BAZ2B: variants seen among roughly 807,000 people sequenced by gnomAD.
The protein encoded by BAZ2B is bromodomain adjacent to zinc finger domain protein 2B.
Under a neutral mutation model 246.0 loss-of-function variants are expected in BAZ2B, and 91 were observed. That is an observed-to-expected ratio of 0.37 (90% CI 0.31 to 0.44). The LOEUF (loss-of-function observed/expected upper bound fraction) is 0.44. Ranked by LOEUF, BAZ2B falls within the 20% of genes least tolerant of loss-of-function variation. The pLI, the probability that BAZ2B is intolerant of heterozygous loss-of-function variation, is 1.00. For synonymous variants in BAZ2B, 855 were observed against 860.0 expected, an observed-to-expected ratio of 0.99 and a Z score of 0.10; for missense variants, 2,332 against 2,533.7, an observed-to-expected ratio of 0.92 and a Z score of 1.71.
intron 1 of BAZ2B, among the ~76,000 whole-genome samples, chr2:159,576,530 TTAA>T (rs1559816448): frequency 6.3e-5 from 6 of 94,942 alleles, no homozygotes; most frequent in Admixed American, 9.8e-5. Context: ...TATCAAAGGT[TTAA>T]AAAAAAAAAA....
At chr2:159,517,079 C>A (rs957579683) in intron 2 of BAZ2B, among the ~76,000 whole-genome samples, 1 of 151,906 alleles carries the variant, frequency 6.6e-6, no homozygotes, top group Admixed American at 6.5e-5. Flanking sequence ...CAAAGCATGT[C>A]TATTTTTTTA....
At chr2:159,396,928 T>C (rs1413384202) in intron 19 of BAZ2B, 2 of 391,194 alleles carry the variant, frequency 5.1e-6, no homozygotes, top group South Asian at 5.8e-5. Flanking sequence ...GACAAGCAGA[T>C]GTATGCAATG....
chr2:159,688,344 A>T, the BAZ2B span, among the ~76,000 whole-genome samples: 2 of 152,134 alleles, frequency 1.3e-5, no homozygotes, highest in South Asian at 4.1e-4. Context: ...TTTATTTTTT[A>T]AAAACTACAA....
At position 159,448,529 on chromosome 2, in the gene BAZ2B, A is replaced by G. The variant is rs958322538; in HGVS notation, c.335-120T>C. 37 of 1,142,780 alleles carry G rather than the reference A, an allele frequency of 3.2e-5. No homozygotes were observed. In the African/African-American group the frequency reaches 5.8e-4, roughly 18 times the overall value. The allele number at this position is 1,142,780 out of a possible 1,614,324, so 70.8% of individuals were successfully genotyped here. A position where few individuals can be genotyped will look rare whatever the true frequency, so the allele number is the denominator to read the frequency against. ...AAGTTTCATCTTGGAACAAAACTGA[A>G]TTACTCATACTTCTGATCATTTTCC... On this transcript the variant is annotated intron_variant, in intron 4 of 36. Transcript: ENST00000392783.
intron 2 of BAZ2B, among the ~76,000 whole-genome samples, chr2:159,535,750 T>C (rs139157633): frequency 5.1e-4 from 77 of 152,296 alleles, no homozygotes; most frequent in Non-Finnish European, 7.8e-4. Flanking sequence ...ATTAATATTC[T>C]CTCTTCATTA....
the BAZ2B span, among the ~76,000 whole-genome samples, chr2:159,662,306 C>T: frequency 6.6e-6 from 1 of 152,156 alleles, no homozygotes; most frequent in African/African-American, 2.4e-5. Context: ...CATTCATGCA[C>T]AAGTATTTGT....
intron 2 of BAZ2B, among the ~76,000 whole-genome samples, chr2:159,505,078 C>A (rs943181672): frequency 6.6e-6 from 1 of 152,056 alleles, no homozygotes; most frequent in Non-Finnish European, 1.5e-5. Flanking sequence ...GCAATATCTT[C>A]AAATAAAAGT....
intron 13 of BAZ2B, 145 bp from the exon 14 acceptor site, chr2:159,412,690 TA>T: frequency 1.4e-6 from 1 of 717,004 alleles, no homozygotes; most frequent in Non-Finnish European, 2.2e-6. Context: ...ATTTTTAAAT[TA>T]AACTTAGATG....
chr2:159,647,674 C>T, the BAZ2B span, among the ~76,000 whole-genome samples: 2 of 152,090 alleles, frequency 1.3e-5, no homozygotes, highest in Non-Finnish European at 2.9e-5. Context: ...GACAAGAAGA[C>T]AACACAACTA....
the BAZ2B span, chr2:159,690,024 G>C: frequency 4.8e-6 from 2 of 413,896 alleles, no homozygotes; most frequent in African/African-American, 4.2e-5. Flanking sequence ...TCCATGACAT[G>C]GAAGTTGGGC....
At chr2:159,495,172 G>C (rs917315933) in intron 2 of BAZ2B, among the ~76,000 whole-genome samples, 4 of 152,032 alleles carry the variant, frequency 2.6e-5, no homozygotes, top group Admixed American at 2.6e-4. Flanking sequence ...ATTTTCTCAT[G>C]CTCCAAAAAA....
chr2:159,656,486 CCT>C, the BAZ2B span, among the ~76,000 whole-genome samples: 1 of 151,932 alleles, frequency 6.6e-6, no homozygotes, highest in African/African-American at 2.4e-5. Context: ...CCCATTTATC[CCT>C]CTCTCTCTAC....
intron 3 of BAZ2B, among the ~76,000 whole-genome samples, chr2:159,470,376 C>T (rs1004278366): frequency 1.3e-5 from 2 of 152,138 alleles, no homozygotes; most frequent in African/African-American, 4.8e-5. Context: ...TAAAATTGTC[C>T]TACAGCCTGG....
intron 2 of BAZ2B, among the ~76,000 whole-genome samples, chr2:159,482,919 T>A (rs1207552810): frequency 1.3e-5 from 2 of 152,146 alleles, no homozygotes; most frequent in Admixed American, 6.5e-5. Context: ...TATTCCTAGA[T>A]TTCTGTTAGG....
upstream of BAZ2B, among the ~76,000 whole-genome samples, chr2:159,619,914 T>C (rs532832850): frequency 6.6e-6 from 1 of 152,154 alleles, no homozygotes; most frequent in Non-Finnish European, 1.5e-5. Flanking sequence ...AAGATCATCA[T>C]CTGTATTAGT....
rs150340476 is a variant in BAZ2B at position 159,344,586 on chromosome 2, C to G, written c.5454+2900G>C. The stretch of plus-strand genomic sequence containing the variant: ...ATCTGCATCCCGATGTTTACTGCGG[C>G]ACTATACACAATAGCCAAAATACAG... On this transcript the variant is annotated intron_variant, in intron 31 of 36. Coordinates refer to ENST00000392783, the MANE Select transcript of BAZ2B (RefSeq NM_013450.4). Among the ~76,000 whole-genome samples, 61 of 151,484 alleles carry G rather than the reference C, an allele frequency of 4.0e-4. No individual in the cohort carries two copies. The East Asian group carries it at 0.011, about 28-fold the overall frequency.
At chr2:159,618,419 C>T (rs1470952606), upstream of BAZ2B, among the ~76,000 whole-genome samples, 2 of 152,030 alleles carry the variant, frequency 1.3e-5, no homozygotes, top group Admixed American at 1.3e-4. Context: ...TTAATTAACT[C>T]GGAGGCCAAG....
chr2:159,428,126 G>A, intron 12 of BAZ2B, 84 bp from the exon 13 acceptor site: 1 of 1,310,344 alleles, frequency 7.6e-7, no homozygotes, highest in South Asian at 1.3e-5. Flanking sequence ...GGACACTAAT[G>A]TTTTGCATAT....
the BAZ2B span, among the ~76,000 whole-genome samples, chr2:159,628,119 GA>G: frequency 1.3e-5 from 2 of 152,188 alleles, no homozygotes; most frequent in Non-Finnish European, 2.9e-5. Flanking sequence ...CAAGGGATGT[GA>G]AGGACCTCTT....
Sources: allele counts gnomAD v4.1 joint callset (sites outside exome capture counted in the v4.1 genomes callset), GRCh38; gene constraint gnomAD v4.1.1; transcripts MANE v1.5; gene names NCBI Gene and HGNC (gene_info 2026-07-23, HGNC 2026-07-21).